The following ZNF124 variants were observed in gnomAD, a reference collection of about 807,000 sequenced individuals.
The protein encoded by ZNF124 is zinc finger protein HZF-16.
A neutral mutation model predicts 26.6 loss-of-function variants in ZNF124; 25 were observed. The ratio of observed to expected loss-of-function variants is 0.94; its 90% confidence interval spans 0.68 to 1.31. The LOEUF (loss-of-function observed/expected upper bound fraction) is 1.31. ZNF124 is among the 40% of genes most tolerant of loss of function. ZNF124 has a pLI of 0.00. For synonymous variants in ZNF124, 129 were observed against 133.3 expected (o/e 0.97, Z 0.22); for missense variants, 444 against 422.2 (o/e 1.05, Z -0.45).
intron 3 of ZNF124, among the ~76,000 whole-genome samples, chr1:247,124,553 T>C (rs946300246): frequency 6.6e-6 from 1 of 152,026 alleles, no homozygotes; most frequent in South Asian, 2.1e-4. Flanking sequence ...ATCATCACAG[T>C]CAATTTGAGA....
chr1:247,164,595 A>C (rs143876973), intron 1 of ZNF124, among the ~76,000 whole-genome samples: 127 of 152,240 alleles, frequency 8.3e-4, no homozygotes, highest in South Asian at 1.2e-3. Flanking sequence ...CTGGGAAAAA[A>C]AAAACAAAAC....
chr1:247,154,771 G>T (rs966923961), downstream of ZNF124, among the ~76,000 whole-genome samples: 3 of 152,200 alleles, frequency 2.0e-5, no homozygotes, highest in African/African-American at 7.2e-5. Flanking sequence ...GGGCAAGGCA[G>T]GAGAATCACT....
chr1:247,154,518 A>G (rs193067205), downstream of ZNF124, among the ~76,000 whole-genome samples: 131 of 152,310 alleles, frequency 8.6e-4, no homozygotes, highest in African/African-American at 2.9e-3. Context: ...AACTACATAT[A>G]TATGAAATAA....
intron 3 of ZNF124, among the ~76,000 whole-genome samples, chr1:247,134,446 G>A (rs954505118): frequency 1.3e-5 from 2 of 152,108 alleles, no homozygotes; most frequent in Admixed American, 1.3e-4. Context: ...AAAAGGCAGG[G>A]ATTGCAATCC....
At chr1:247,153,134 A>G (rs201731189), downstream of ZNF124, among the ~76,000 whole-genome samples, 1 of 147,362 alleles carries the variant, frequency 6.8e-6, no homozygotes, top group African/African-American at 2.5e-5. Context: ...CTCCATCTCA[A>G]AAAAAAAAAA....
In ZNF124 at chr1:247,131,707, T is replaced by A. The variant is rs569992949; in HGVS notation, c.219-7836A>T. On this transcript the variant is annotated intron_variant, in intron 3 of 3. Coordinates refer to the ZNF124 transcript ENST00000472531. ...TGCCTCTTCAGGCCTAATCCCTTCT[T>A]CATTGGGTGGGGCTTCCCTGGAGGG... Among the ~76,000 whole-genome samples the A allele has an allele frequency of 4.6e-5, 7 of 152,232 alleles. No individual in the cohort carries two copies. The South Asian group carries it at 1.5e-3, about 32-fold the overall frequency.
intron 1 of ZNF124, among the ~76,000 whole-genome samples, chr1:247,164,042 C>T (rs549058218): frequency 6.6e-6 from 1 of 151,854 alleles, no homozygotes; most frequent in African/African-American, 2.4e-5. Flanking sequence ...AACAAAAAAA[C>T]AACATGATCA....
At chr1:247,150,186 T>G (rs1672892542), downstream of ZNF124, among the ~76,000 whole-genome samples, 1 of 152,318 alleles carries the variant, frequency 6.6e-6, no homozygotes, top group African/African-American at 2.4e-5. Flanking sequence ...TACCACACAA[T>G]GTGTATTTGG....
At chr1:247,139,961 G>A (rs10924927) in intron 3 of ZNF124, among the ~76,000 whole-genome samples, 38,489 of 151,968 alleles carry the variant, frequency 0.25, 5,603 homozygotes, top group African/African-American at 0.39. Context: ...TCTGATTATT[G>A]TGTGTCTTGG....
chr1:247,137,321 A>G (rs1672506720), intron 3 of ZNF124, among the ~76,000 whole-genome samples: 1 of 150,730 alleles, frequency 6.6e-6, no homozygotes, highest in Admixed American at 6.7e-5. Context: ...ATTTAAATGT[A>G]AAATCCAAAA....
exon 4 of ZNF124, chr1:247,123,142 A>G (rs1207701966): frequency 6.6e-6 from 1 of 152,218 alleles, no homozygotes; most frequent in African/African-American, 2.4e-5. Context: ...TATTTCATCA[A>G]TCATGGGCTG....
chr1:247,144,694 G>A (rs573334704), intron 3 of ZNF124, among the ~76,000 whole-genome samples: 36 of 152,222 alleles, frequency 2.4e-4, no homozygotes, highest in East Asian at 9.7e-4. Flanking sequence ...CTGAAAGCCC[G>A]CAAAAGACTA....
At chr1:247,150,848 T>C (rs1672913126), downstream of ZNF124, among the ~76,000 whole-genome samples, 1 of 151,680 alleles carries the variant, frequency 6.6e-6, no homozygotes, top group Non-Finnish European at 1.5e-5. Flanking sequence ...TTAAGAGAAA[T>C]ATTTCTTAAA....
downstream of ZNF124, among the ~76,000 whole-genome samples, chr1:247,154,832 C>T (rs777531025): frequency 2.6e-5 from 4 of 152,206 alleles, no homozygotes; most frequent in East Asian, 7.7e-4. Context: ...GACCCAATTT[C>T]TTATTTTAGA....
Position 247,157,071 on chromosome 1 carries a change from C to T in ZNF124, c.551G>A (p.Gly184Glu). ...GEKRYECKQC[G>E]KAFSRSSHLR... ...GTGACTGGAACGACTGAAGGCTTTC[C>T]CACATTGCTTACATTCATAGCGTTT... is the stretch of plus-strand genomic sequence containing the variant. The change falls in exon 4 of 4, where the codon GGG (glycine) becomes GAG (glutamate). Residue 184 changes from glycine to glutamate, a missense_variant. Gly to Glu is a moderately conservative substitution (Grantham distance 98, BLOSUM62 -2). Transcript: ENST00000543802. 3.7e-6 allele frequency: 6 copies of T among 1,614,088 alleles called. No individual in the cohort carries two copies. Among genetic ancestry groups the T allele is most frequent in the South Asian group, 2.2e-5 (2 of 91,070 alleles).
At chr1:247,153,054 A>G (rs1672990370), downstream of ZNF124, among the ~76,000 whole-genome samples, 1 of 150,498 alleles carries the variant, frequency 6.6e-6, no homozygotes, top group African/African-American at 2.5e-5. Flanking sequence ...AATCGCTTGA[A>G]CCCGGGAGGT....
At chr1:247,122,799 C>T (rs1340890229) in exon 4 of ZNF124, 1 of 152,114 alleles carries the variant, frequency 6.6e-6, no homozygotes, top group Non-Finnish European at 1.5e-5. Flanking sequence ...AACGGTCATC[C>T]CCAGTTATGT....
rs1417413918 is a variant in ZNF124 at position 247,155,238 on chromosome 1, CTA to C, written c.*1326_*1327del. Among the ~76,000 whole-genome samples, 2 of 151,698 alleles carry C rather than the reference CTA, an allele frequency of 1.3e-5. No individual in the cohort carries two copies. The highest frequency in any genetic ancestry group is 3.8e-4 in the East Asian group (2 of 5,202). The stretch of plus-strand genomic sequence containing the variant: ...ACATACTTACAAATTGACAGCAACT[CTA>C]TTAGCAAAGAAAATAGACTCATTTA... On this transcript the variant is annotated 3_prime_UTR_variant, in exon 4 of 4. Transcript: ENST00000543802.
At chr1:247,149,330 C>T (rs1333823645) in intron 3 of ZNF124, among the ~76,000 whole-genome samples, 1 of 152,178 alleles carries the variant, frequency 6.6e-6, no homozygotes, top group Non-Finnish European at 1.5e-5. Context: ...TATTATCCAG[C>T]AAGCCCACTT....
Sources: gnomAD v4.1 joint callset for allele counts (sites outside exome capture counted in the v4.1 genomes callset) on GRCh38, gnomAD v4.1.1 for gene constraint, MANE v1.5 for transcripts, NCBI Gene and HGNC (gene_info 2026-07-23, HGNC 2026-07-21) for gene names.